CECR2: variants seen among roughly 807,000 people sequenced by gnomAD.
The protein encoded by CECR2 is chromatin remodeling regulator CECR2.
A neutral mutation model predicts 154.5 loss-of-function variants in CECR2; 30 were observed. The observed-to-expected ratio is 0.19, with a 90% CI of 0.15 to 0.26. The LOEUF is 0.26. Among genes scored for constraint, CECR2 ranks in the 10% least tolerant of loss-of-function variants. CECR2 has a pLI of 1.00. For synonymous variants in CECR2, 725 were observed against 683.7 expected (o/e 1.06, Z -0.94); for missense variants, 1,743 against 1,829.3 (o/e 0.95, Z 0.86).
intron 1 of CECR2, among the ~76,000 whole-genome samples, chr22:17,416,028 T>C (rs553191590): frequency 1.4e-4 from 22 of 152,320 alleles, no homozygotes; most frequent in Admixed American, 9.2e-4. Flanking sequence ...CATTAATGTT[T>C]CCAGGCCCTT....
intron 1 of CECR2, among the ~76,000 whole-genome samples, chr22:17,400,260 T>A (rs2053872305): frequency 6.6e-6 from 1 of 152,222 alleles, no homozygotes; most frequent in East Asian, 1.9e-4. Context: ...TACCCTCAAC[T>A]GTTATATGCC....
At chr22:17,396,591 A>G (rs2053815499) in intron 1 of CECR2, among the ~76,000 whole-genome samples, 1 of 152,254 alleles carries the variant, frequency 6.6e-6, no homozygotes, top group Admixed American at 6.5e-5. Context: ...AGGAAATTTT[A>G]TGTAGAAACT....
At chr22:17,439,862 A>G (rs917227484) in intron 1 of CECR2, among the ~76,000 whole-genome samples, 2 of 152,192 alleles carry the variant, frequency 1.3e-5, no homozygotes, top group Non-Finnish European at 2.9e-5. Flanking sequence ...GGGGTGGCTG[A>G]ATAGGATGTT....
chr22:17,444,604 G>A (rs2054631839), intron 1 of CECR2, among the ~76,000 whole-genome samples: 1 of 151,826 alleles, frequency 6.6e-6, no homozygotes, highest in Admixed American at 6.6e-5. Flanking sequence ...GGGCGACAAA[G>A]TGAGACTCCA....
chr22:17,525,809 A>G (rs2056255410), intron 9 of CECR2, among the ~76,000 whole-genome samples: 2 of 152,136 alleles, frequency 1.3e-5, no homozygotes, highest in Admixed American at 1.3e-4. Flanking sequence ...CTTATTGGGT[A>G]CACCTGTCAT....
At chr22:17,395,022 G>T (rs967758381) in intron 1 of CECR2, among the ~76,000 whole-genome samples, 25 of 152,258 alleles carry the variant, frequency 1.6e-4, no homozygotes, top group African/African-American at 5.5e-4. Flanking sequence ...TTTGGAAAAT[G>T]CATGGATCCT....
chr22:17,514,906 G>T (rs1004599758), intron 8 of CECR2, among the ~76,000 whole-genome samples: 1 of 151,852 alleles, frequency 6.6e-6, no homozygotes, highest in Non-Finnish European at 1.5e-5. Flanking sequence ...GGTGGTGGGC[G>T]CCTGTAGTCC....
chr22:17,538,818 A>T, intron 12 of CECR2, 87 bp downstream of exon 12: 7 of 1,307,496 alleles, frequency 5.4e-6, no homozygotes, highest in African/African-American at 1.5e-5. Context: ...ATATATATAT[A>T]TTTTGATACG....
At chr22:17,463,019 G>A (rs1015957992) in intron 1 of CECR2, among the ~76,000 whole-genome samples, 40 of 152,342 alleles carry the variant, frequency 2.6e-4, no homozygotes, top group African/African-American at 8.9e-4. Flanking sequence ...AATGGTGGAA[G>A]ACAGAAAATA....
In CECR2 at chr22:17,511,820, G is replaced by C; in HGVS notation, c.878G>C (p.Arg293Pro). The C allele has an allele frequency of 1.2e-6, 2 of 1,611,214 alleles. No homozygotes were observed. The highest frequency in any genetic ancestry group is 1.7e-6 in the Non-Finnish European group (2 of 1,178,504). ...CTTCACTTCTAACTATAGGGAAAAC[G>C]TCCACAGCGCACAAAGGCAGAGTTG... is the stretch of plus-strand genomic sequence containing the variant. The part of the protein sequence containing the change: ...ICNMIAQKGK[R>P]PQRTKAELHP... Residue 293 changes from arginine to proline, a missense_variant, in exon 8 of 19, where the codon CGT (arginine) becomes CCT (proline). Around this residue, in one of 4 missense-constraint regions of CECR2, gnomAD observed 292 missense variants for 301.2 expected, o/e 0.97. Transcript: ENST00000262608.
intron 1 of CECR2, among the ~76,000 whole-genome samples, chr22:17,426,481 C>T (rs1459235996): frequency 6.6e-6 from 1 of 152,154 alleles, no homozygotes; most frequent in African/African-American, 2.4e-5. Context: ...TTCAGCCTCC[C>T]AAGTAGCTGC....
At chr22:17,440,221 G>A (rs2054564433) in intron 1 of CECR2, among the ~76,000 whole-genome samples, 1 of 151,922 alleles carries the variant, frequency 6.6e-6, no homozygotes, top group African/African-American at 2.4e-5. Flanking sequence ...GTGTGTGTGT[G>A]TTGTGGGGGG....
chr22:17,376,299 G>A (rs1462418861), intron 1 of CECR2, among the ~76,000 whole-genome samples: 2 of 152,180 alleles, frequency 1.3e-5, no homozygotes, highest in African/African-American at 4.8e-5. Flanking sequence ...TTTAGAAGGG[G>A]CAGCGCCTTC....
intron 1 of CECR2, among the ~76,000 whole-genome samples, chr22:17,434,198 C>A (rs527676454): frequency 1.3e-5 from 2 of 152,088 alleles, no homozygotes; most frequent in African/African-American, 2.4e-5. Context: ...ACAGTTAAAG[C>A]ATGGTGTGAC....
intron 1 of CECR2, among the ~76,000 whole-genome samples, chr22:17,436,049 C>G (rs2054502189): frequency 6.6e-6 from 1 of 152,200 alleles, no homozygotes; most frequent in African/African-American, 2.4e-5. Flanking sequence ...ACCTCCGCCT[C>G]CTGAGTTCAA....
At chr22:17,455,105 G>T (rs1472671685) in intron 1 of CECR2, among the ~76,000 whole-genome samples, 1 of 152,204 alleles carries the variant, frequency 6.6e-6, no homozygotes, top group Non-Finnish European at 1.5e-5. Flanking sequence ...AAGGAAGGAG[G>T]AAGTAACTTG....
chr22:17,520,082 C>G (rs2056130757), intron 8 of CECR2, among the ~76,000 whole-genome samples: 4 of 152,140 alleles, frequency 2.6e-5, no homozygotes, highest in Admixed American at 2.6e-4. Flanking sequence ...AGCCACCGTG[C>G]CTGGCCAGAT....
rs116355402 is a variant in CECR2, at chr22:17,433,018, A to G, written c.127-44570A>G. Among the ~76,000 whole-genome samples, 847 of 152,296 alleles carry G rather than the reference A, an allele frequency of 5.6e-3. 10 individuals are homozygous for G. Among genetic ancestry groups the G allele is most frequent in the African/African-American group, 0.02 (815 of 41,566 alleles). Reference sequence around the variant, plus strand: ...GGTACATTTCTAAGCATGCACTCTTATCACCGAGCTACATCCCCACCTCGT... The same window carrying G: ...GGTACATTTCTAAGCATGCACTCTTGTCACCGAGCTACATCCCCACCTCGT... On this transcript the variant is annotated intron_variant, in intron 1 of 18. Coordinates refer to ENST00000262608, the MANE Select transcript of CECR2 (RefSeq NM_001290047.2).
At chr22:17,398,250 C>T (rs1319843028) in intron 1 of CECR2, among the ~76,000 whole-genome samples, 2 of 151,544 alleles carry the variant, frequency 1.3e-5, no homozygotes, top group Non-Finnish European at 2.9e-5. Context: ...AAAGAGGGAG[C>T]GTTGGGCCCA....
Sources: allele counts gnomAD v4.1 joint callset (sites outside exome capture counted in the v4.1 genomes callset), GRCh38; gene constraint gnomAD v4.1.1; regional missense constraint gnomAD v4.1.1; transcripts MANE v1.5; gene names NCBI Gene and HGNC (gene_info 2026-07-23, HGNC 2026-07-21).